Variants in TANC1 observed in about 807,000 individuals in gnomAD.
TANC1 encodes tetratricopeptide repeat, ankyrin repeat and coiled-coil containing 1.
A neutral mutation model predicts 149.7 loss-of-function variants in TANC1; 77 were observed. The observed-to-expected ratio is 0.51, with a 90% CI of 0.43 to 0.62. The LOEUF is 0.62. Ranked by LOEUF, TANC1 falls within the 20% of genes least tolerant of loss-of-function variation. The probability of loss-of-function intolerance (pLI) is 0.00; values close to 1 mark genes in which losing one functional copy is unlikely to be tolerated. For missense variants in TANC1, 1,985 were observed against 2,321.8 expected (o/e 0.85, Z 2.98); for synonymous variants, 854 against 925.0 (o/e 0.92, Z 1.39).
At chr2:159,075,272 A>G (rs974863986) in intron 3 of TANC1, among the ~76,000 whole-genome samples, 1 of 152,190 alleles carries the variant, frequency 6.6e-6, no homozygotes, top group Admixed American at 6.5e-5. Context: ...TCAATGTACA[A>G]AATTCGAAAA....
At chr2:159,043,517 C>T (rs1322067023) in intron 2 of TANC1, among the ~76,000 whole-genome samples, 2 of 152,150 alleles carry the variant, frequency 1.3e-5, no homozygotes, top group Non-Finnish European at 2.9e-5. Flanking sequence ...TAAAGTAAAT[C>T]ATTATCTTAC....
At chr2:158,969,384 G>A (rs556374460) in intron 1 of TANC1, among the ~76,000 whole-genome samples, 1 of 152,346 alleles carries the variant, frequency 6.6e-6, no homozygotes, top group African/African-American at 2.4e-5. Context: ...AGAACACTGC[G>A]ATTAGCATAT....
chr2:159,007,251 A>G (rs1158155793), intron 2 of TANC1, among the ~76,000 whole-genome samples: 1 of 144,988 alleles, frequency 6.9e-6, no homozygotes, highest in Admixed American at 7.3e-5. Context: ...GGTTCAAGCG[A>G]TTCTTCTGCC....
intron 3 of TANC1, 79 bp downstream of exon 3, chr2:159,066,050 T>C: frequency 4.3e-6 from 5 of 1,174,970 alleles, no homozygotes; most frequent in South Asian, 1.2e-5. Flanking sequence ...GATGGATTTG[T>C]TGCTTTGGGA....
At chr2:159,213,473 T>A (rs905870401) in intron 19 of TANC1, among the ~76,000 whole-genome samples, 2 of 151,736 alleles carry the variant, frequency 1.3e-5, no homozygotes, top group Admixed American at 6.6e-5. Context: ...AATACCATTC[T>A]GCTAATGGTA....
At chr2:159,022,422 A>G (rs747604067) in intron 2 of TANC1, among the ~76,000 whole-genome samples, 1 of 152,140 alleles carries the variant, frequency 6.6e-6, no homozygotes, top group Non-Finnish European at 1.5e-5. Context: ...CCGGGGTTCT[A>G]TTCATAAGAA....
chr2:159,089,059 C>T (rs796071141), intron 3 of TANC1, among the ~76,000 whole-genome samples: 17 of 152,218 alleles, frequency 1.1e-4, no homozygotes, highest in African/African-American at 4.1e-4. Context: ...AGCTGTTGTT[C>T]CTGCTGGTGG....
chr2:159,038,052 C>T (rs1271017692), intron 2 of TANC1, among the ~76,000 whole-genome samples: 1 of 152,148 alleles, frequency 6.6e-6, no homozygotes. Flanking sequence ...TTGTAGTTCT[C>T]CTTGAAGAAG....
At chr2:159,021,817 G>A (rs1294254970) in intron 2 of TANC1, among the ~76,000 whole-genome samples, 2 of 152,138 alleles carry the variant, frequency 1.3e-5, no homozygotes, top group East Asian at 3.8e-4. Context: ...CCACATGCAA[G>A]AGAAGTATAA....
chr2:159,105,597 C>T (rs1021949062), intron 4 of TANC1, among the ~76,000 whole-genome samples: 3 of 152,118 alleles, frequency 2.0e-5, no homozygotes, highest in African/African-American at 7.2e-5. Flanking sequence ...CTCTATACCC[C>T]GCAAAAGACA....
chr2:159,009,993 G>A (rs927743562), intron 2 of TANC1, among the ~76,000 whole-genome samples: 2 of 152,182 alleles, frequency 1.3e-5, no homozygotes, highest in African/African-American at 4.8e-5. Context: ...ATATTTAAGT[G>A]TTATTGGAGT....
intron 1 of TANC1, among the ~76,000 whole-genome samples, chr2:158,994,467 G>A (rs759885817): frequency 7.2e-5 from 11 of 152,224 alleles, no homozygotes; most frequent in Non-Finnish European, 1.5e-4. Context: ...GATATGGGAT[G>A]TCTACTTGCC....
intron 2 of TANC1, among the ~76,000 whole-genome samples, chr2:159,065,581 T>G (rs2042584712): frequency 6.6e-6 from 1 of 152,124 alleles, no homozygotes; most frequent in Admixed American, 6.5e-5. Context: ...CTTGCAGTAC[T>G]GTACCCAGGT....
chr2:159,034,349 A>G (rs1294398472), intron 2 of TANC1, among the ~76,000 whole-genome samples: 1 of 152,148 alleles, frequency 6.6e-6, no homozygotes, highest in Non-Finnish European at 1.5e-5. Context: ...TGAGGCATAA[A>G]TATTTCCCAC....
At chr2:159,170,288 A>G (rs1378305453) in intron 9 of TANC1, among the ~76,000 whole-genome samples, 1 of 152,134 alleles carries the variant, frequency 6.6e-6, no homozygotes, top group Non-Finnish European at 1.5e-5. Flanking sequence ...CCATGACAAG[A>G]CTAGAGAGTA....
intron 2 of TANC1, among the ~76,000 whole-genome samples, chr2:159,005,521 G>A (rs1388750824): frequency 6.6e-6 from 1 of 152,174 alleles, no homozygotes; most frequent in Non-Finnish European, 1.5e-5. Context: ...CCAGGAGGCG[G>A]AGATTGCAGT....
intron 2 of TANC1, among the ~76,000 whole-genome samples, chr2:159,015,028 C>T (rs996639996): frequency 6.6e-6 from 1 of 152,202 alleles, no homozygotes; most frequent in African/African-American, 2.4e-5. Flanking sequence ...CTTCTCACAG[C>T]TCTACTAGGT....
At chr2:159,057,693 A>G (rs1485937978) in intron 2 of TANC1, among the ~76,000 whole-genome samples, 1 of 152,222 alleles carries the variant, frequency 6.6e-6, no homozygotes, top group Non-Finnish European at 1.5e-5. Flanking sequence ...TTGAAATTGG[A>G]AAACAAATAC....
At chr2:159,056,297 TTTTA>T (rs2041845851) in intron 2 of TANC1, 2 of 182,150 alleles carry the variant, frequency 1.1e-5, no homozygotes, top group Admixed American at 5.0e-5. Context: ...CAGGGTTGGT[TTTTA>T]TTTATTTTAT....
Sources: allele counts gnomAD v4.1 joint callset (sites outside exome capture counted in the v4.1 genomes callset), GRCh38; gene constraint gnomAD v4.1.1; transcripts MANE v1.5; gene names NCBI Gene and HGNC (gene_info 2026-07-23, HGNC 2026-07-21).